The following OLFML2B variants were observed in gnomAD, a reference collection of about 807,000 sequenced individuals.
The protein encoded by OLFML2B is olfactomedin like 2B, also known as olfactomedin-like protein 2B.
OLFML2B carries 57 observed loss-of-function variants against 74.9 expected under a neutral mutation model. The ratio of observed to expected loss-of-function variants is 0.76; its 90% CI spans 0.61 to 0.95. The LOEUF (loss-of-function observed/expected upper bound fraction) is 0.95, where lower values mean the gene tolerates loss of function less well. OLFML2B is among the 40% of genes least tolerant of loss of function. OLFML2B has a pLI of 0.00. For synonymous variants in OLFML2B, 388 were observed against 405.8 expected (o/e 0.96, Z 0.53); for missense variants, 986 against 970.6 (o/e 1.02, Z -0.21).
intron 6 of OLFML2B, among the ~76,000 whole-genome samples, chr1:161,987,086 A>G (rs965202863): frequency 1.3e-5 from 2 of 152,256 alleles, no homozygotes; most frequent in African/African-American, 4.8e-5. Flanking sequence ...GGCTGGGGCC[A>G]GAGGCCTGGC....
chr1:162,016,873 C>T (rs971214025), intron 3 of OLFML2B, among the ~76,000 whole-genome samples: 1 of 152,200 alleles, frequency 6.6e-6, no homozygotes, highest in Non-Finnish European at 1.5e-5. Context: ...TTGCATGACT[C>T]GTCCATTCAT....
chr1:162,017,263 T>A, intron 3 of OLFML2B, 137 bp downstream of exon 3: 1 of 619,576 alleles, frequency 1.6e-6, no homozygotes, highest in East Asian at 3.0e-5. Context: ...GAATCTTTTA[T>A]GTATATTTTC....
chr1:162,023,480 G>T lies in OLFML2B; in HGVS notation c.-50C>A, dbSNP rs1482584065. On this transcript the variant is annotated 5_prime_UTR_variant, in exon 1 of 8. Coordinates refer to ENST00000294794, the MANE Select transcript of OLFML2B (RefSeq NM_015441.3). Reference sequence around the variant, plus strand: ...AGCCCCTTCAGAGAATGGCTGGGGCGGGGGGTCTCGGCAAGGACTTCTGCG... The same window carrying T: ...AGCCCCTTCAGAGAATGGCTGGGGCTGGGGGTCTCGGCAAGGACTTCTGCG... 1 of 1,324,960 alleles carries T rather than the reference G, an allele frequency of 7.5e-7. No individual in the cohort carries two copies. Among genetic ancestry groups the T allele is most frequent in the Non-Finnish European group, 1.0e-6 (1 of 1,004,936 alleles). The allele number at this position is 1,324,960 out of a possible 1,614,324, so 82.1% of individuals were successfully genotyped here. A position where few individuals can be genotyped will look rare whatever the true frequency, so the allele number is the denominator to read the frequency against.
intron 3 of OLFML2B, among the ~76,000 whole-genome samples, chr1:162,016,444 GC>G (rs935039036): frequency 6.6e-6 from 1 of 152,136 alleles, no homozygotes; most frequent in Non-Finnish European, 1.5e-5. Flanking sequence ...TTTCATGATA[GC>G]CCCCCAAAAG....
intron 4 of OLFML2B, among the ~76,000 whole-genome samples, chr1:162,005,362 C>T (rs1690189691): frequency 6.6e-6 from 1 of 152,172 alleles, no homozygotes; most frequent in South Asian, 2.1e-4. Context: ...GACCCTCTGC[C>T]ACCACTTCCC....
intron 6 of OLFML2B, among the ~76,000 whole-genome samples, chr1:161,996,343 A>G (rs905451570): frequency 6.6e-6 from 1 of 152,212 alleles, no homozygotes; most frequent in Non-Finnish European, 1.5e-5. Context: ...AAACCATAGC[A>G]TATACTGAGA....
At chr1:161,986,846 T>C (rs10800197) in intron 6 of OLFML2B, among the ~76,000 whole-genome samples, 42,277 of 152,228 alleles carry the variant, frequency 0.28, 6,660 homozygotes, top group African/African-American at 0.42. Flanking sequence ...GCGGCATCCC[T>C]GGCTCATGCC....
chr1:162,008,765 A>T (rs1690299683), intron 3 of OLFML2B, among the ~76,000 whole-genome samples: 1 of 152,236 alleles, frequency 6.6e-6, no homozygotes, highest in Non-Finnish European at 1.5e-5. Flanking sequence ...TACACATTAA[A>T]GTTTGAGAAG....
intron 5 of OLFML2B, among the ~76,000 whole-genome samples, chr1:161,999,605 G>A (rs1319731206): frequency 6.6e-6 from 1 of 152,164 alleles, no homozygotes; most frequent in Non-Finnish European, 1.5e-5. Context: ...GAGGAGGCGA[G>A]GAGGAGCACA....
chr1:161,990,508 G>T (rs1206129796), intron 6 of OLFML2B, among the ~76,000 whole-genome samples: 2 of 152,146 alleles, frequency 1.3e-5, no homozygotes, highest in East Asian at 3.8e-4. Flanking sequence ...ATAACATTAT[G>T]TCTAAAAAAT....
At position 161,984,894 on chromosome 1, in the gene OLFML2B, G is replaced by T; in HGVS notation, c.1561C>A (p.Pro521Thr). 2 of 1,611,928 alleles carry T rather than the reference G, an allele frequency of 1.2e-6. No individual in the cohort carries two copies. The highest frequency in any genetic ancestry group is 1.7e-6 in the Non-Finnish European group (2 of 1,179,584). ...GRNEGAWMKD[P>T]LAKDERIYVT... ...TAAATCCGCTCATCCTTGGCCAGGGGGTCCTTCATCCAGGCCCCTTCATTC... is the reference window on the plus strand; with the variant it reads ...TAAATCCGCTCATCCTTGGCCAGGGTGTCCTTCATCCAGGCCCCTTCATTC... Residue 521 changes from proline (P) to threonine (T), a missense_variant, in exon 7 of 8, where the codon CCC (proline) becomes ACC (threonine). Pro to Thr is a conservative substitution (Grantham distance 38). Coordinates refer to ENST00000294794, the MANE Select transcript of OLFML2B (RefSeq NM_015441.3).
chr1:161,990,126 C>T (rs1689695549), intron 6 of OLFML2B, among the ~76,000 whole-genome samples: 1 of 152,158 alleles, frequency 6.6e-6, no homozygotes. Flanking sequence ...TTAAAATGTT[C>T]ATATATCAAG....
Position 161,997,707 on chromosome 1 carries a change from T to C in OLFML2B, c.1474+118A>G, listed in dbSNP as rs149254574. 5.8e-4 allele frequency: 634 copies of C among 1,099,806 alleles called. 2 individuals are homozygous for C. The highest frequency in any genetic ancestry group is 7.2e-4 in the Non-Finnish European group (546 of 761,770). The allele number at this position is 1,099,806 out of a possible 1,614,324, so 68.1% of individuals were successfully genotyped here. A position where few individuals can be genotyped will look rare whatever the true frequency, so the allele number is the denominator to read the frequency against. Reference sequence around the variant, plus strand: ...CGTTGGTCAAAGGCTTAACTCCACTTGCCATTCCCATAAAGAACTTTGACC... The same window carrying C: ...CGTTGGTCAAAGGCTTAACTCCACTCGCCATTCCCATAAAGAACTTTGACC... On this transcript the variant is annotated intron_variant, in intron 6 of 7. Transcript: ENST00000294794.
intron 2 of OLFML2B, among the ~76,000 whole-genome samples, chr1:162,019,564 G>A (rs12562972): frequency 0.092 from 13,965 of 152,166 alleles, 828 homozygotes; most frequent in South Asian, 0.24. Context: ...AGCCTTACTC[G>A]CATTTTTCTT....
At chr1:161,989,929 G>T (rs920926288) in intron 6 of OLFML2B, among the ~76,000 whole-genome samples, 1 of 152,198 alleles carries the variant, frequency 6.6e-6, no homozygotes, top group Admixed American at 6.5e-5. Flanking sequence ...CAGGAAGAAG[G>T]CAGTGGTGTT....
chr1:162,020,471 C>T (rs1690672561), intron 1 of OLFML2B, among the ~76,000 whole-genome samples: 3 of 152,134 alleles, frequency 2.0e-5, no homozygotes, highest in African/African-American at 7.2e-5. Flanking sequence ...AGTCATTTGT[C>T]CAATAGCCTT....
intron 6 of OLFML2B, among the ~76,000 whole-genome samples, chr1:161,986,432 A>G (rs1481367362): frequency 6.6e-6 from 1 of 152,164 alleles, no homozygotes; most frequent in Non-Finnish European, 1.5e-5. Flanking sequence ...GCAGCTGGGG[A>G]TGGAAGAGGC....
rs2101981326 is a variant in OLFML2B at position 162,020,084 on chromosome 1, C to T, written c.273G>A (p.Arg91=). 1 of 1,614,180 alleles carries T rather than the reference C, an allele frequency of 6.2e-7. No individual in the cohort carries two copies. Residue 91 remains arginine, a synonymous_variant, in exon 2 of 8, where the codon AGG becomes AGA. Coordinates refer to ENST00000294794, the MANE Select transcript of OLFML2B (RefSeq NM_015441.3). ...CCTTCCTGGAGGCCCCCGCATTGAT[C>T]CTCTGGCAGGCATCCCGGCCCAGGG... The part of the protein sequence containing the change: ...VRPLGRDACQ[R]INAGASRKED...
In OLFML2B at chr1:162,020,120, A is replaced by C. The variant is rs746853057; in HGVS notation, c.237T>G (p.Cys79Trp). Reference sequence around the variant, plus strand: ...CATCCCGGCCCAGGGGTCTCACCACACACTTGCACTGACAGTCCGAGCCCT... The same window carrying C: ...CATCCCGGCCCAGGGGTCTCACCACCCACTTGCACTGACAGTCCGAGCCCT... ...MSEGSDCQCK[C>W]VVRPLGRDAC... The change falls in exon 2 of 8, where the codon TGT (cysteine) becomes TGG (tryptophan). Residue 79 changes from cysteine to tryptophan, a missense_variant. By Grantham distance (215) the Cys-to-Trp change is radical. Transcript: ENST00000294794. 6.2e-7 allele frequency: 1 copy of C among 1,614,130 alleles called. No homozygotes were observed. The highest frequency in any genetic ancestry group is 8.5e-7 in the Non-Finnish European group (1 of 1,180,012).
Sources: allele counts gnomAD v4.1 joint callset (sites outside exome capture counted in the v4.1 genomes callset), GRCh38; gene constraint gnomAD v4.1.1; transcripts MANE v1.5; gene names NCBI Gene and HGNC (gene_info 2026-07-23, HGNC 2026-07-21).